SUSD4: variants seen among roughly 807,000 people sequenced by gnomAD.
SUSD4 encodes the protein sushi domain containing 4.
Under a neutral mutation model 50.5 loss-of-function variants are expected in SUSD4, and 41 were observed. That is an observed-to-expected ratio of 0.81 (90% CI 0.63 to 1.05). The LOEUF (loss-of-function observed/expected upper bound fraction) is 1.05. Among genes scored for constraint, SUSD4 ranks in the 50% least tolerant of loss-of-function variants. SUSD4 has a pLI of 0.00. For missense variants in SUSD4, 580 were observed against 634.7 expected (o/e 0.91, Z 0.93); for synonymous variants, 257 against 257.3 (o/e 1.00, Z 0.01).
intron 3 of SUSD4, among the ~76,000 whole-genome samples, chr1:223,282,853 C>T (rs1013227033): frequency 3.3e-5 from 5 of 152,172 alleles, no homozygotes; most frequent in African/African-American, 1.2e-4. Context: ...TACAAGGCTA[C>T]AGTAACCAAA....
Position 223,254,485 on chromosome 1 carries a change from C to A in SUSD4, c.724+10145G>T, listed in dbSNP as rs557413757. Among the ~76,000 whole-genome samples the A allele has an allele frequency of 3.2e-4, 48 of 152,178 alleles. 1 individual carries two copies. The South Asian group carries it at 9.8e-3, about 31-fold the overall frequency. The stretch of plus-strand genomic sequence containing the variant: ...GGCAAGGTGCTGAGACAGGAGCCTG[C>A]CAAGGGTCTTAAGCTAGTGAACAGC... On this transcript the variant is annotated intron_variant, in intron 5 of 8. Transcript: ENST00000366878.
intron 2 of SUSD4, among the ~76,000 whole-genome samples, chr1:223,312,217 G>A (rs921062530): frequency 1.3e-5 from 2 of 152,166 alleles, no homozygotes; most frequent in Non-Finnish European, 1.5e-5. Context: ...AAATGAGAGT[G>A]TCATCATTTC....
In SUSD4 at chr1:223,351,208, A is replaced by G. The variant is rs139202968; in HGVS notation, c.148+12070T>C. On this transcript the variant is annotated intron_variant, in intron 2 of 8. Transcript: ENST00000366878. ...GATTCCAGTCCCCCCGGATTGCCACATGGTGACAGGGCCCTTATTTCCCCT... is the reference window on the plus strand; with the variant it reads ...GATTCCAGTCCCCCCGGATTGCCACGTGGTGACAGGGCCCTTATTTCCCCT... 5.9e-5 allele frequency among the ~76,000 whole-genome samples: 9 copies of G among 152,366 alleles called. No homozygotes were observed. In the South Asian group the frequency reaches 1.0e-3, roughly 18 times the overall value.
At chr1:223,312,392 G>A (rs548885545) in intron 2 of SUSD4, among the ~76,000 whole-genome samples, 1 of 152,152 alleles carries the variant, frequency 6.6e-6, no homozygotes, top group Non-Finnish European at 1.5e-5. Flanking sequence ...ACTCACTCGG[G>A]CTCCTGGGGA....
chr1:223,250,215 T>C (rs1306618934), intron 5 of SUSD4, among the ~76,000 whole-genome samples: 1 of 152,210 alleles, frequency 6.6e-6, no homozygotes, highest in African/African-American at 2.4e-5. Flanking sequence ...GCAGGAAATT[T>C]ATAAGAATTA....
chr1:223,290,895 T>A (rs17577212), intron 3 of SUSD4, among the ~76,000 whole-genome samples: 2 of 151,948 alleles, frequency 1.3e-5, no homozygotes, highest in Non-Finnish European at 2.9e-5. Flanking sequence ...TAAGCCTGAC[T>A]GTTTTTAAAG....
intron 3 of SUSD4, among the ~76,000 whole-genome samples, chr1:223,283,433 TA>T (rs1396409529): frequency 7.9e-5 from 12 of 152,140 alleles, no homozygotes; most frequent in Non-Finnish European, 5.9e-5. Flanking sequence ...TATGAACAGA[TA>T]CTTCTCAAAA....
intron 2 of SUSD4, among the ~76,000 whole-genome samples, chr1:223,303,502 A>G (rs2203763): frequency 0.44 from 66,480 of 149,470 alleles, 15,118 homozygotes; most frequent in East Asian, 0.58. Flanking sequence ...CTTACAGGAC[A>G]TTCAATAGTT....
At chr1:223,296,706 A>C (rs1236586942) in intron 2 of SUSD4, among the ~76,000 whole-genome samples, 5 of 152,132 alleles carry the variant, frequency 3.3e-5, no homozygotes, top group Non-Finnish European at 7.4e-5. Flanking sequence ...GTAGGAGGTA[A>C]TTGAATTATG....
At chr1:223,361,105 C>G (rs958355311) in intron 2 of SUSD4, among the ~76,000 whole-genome samples, 64 of 152,204 alleles carry the variant, frequency 4.2e-4, no homozygotes, top group African/African-American at 1.4e-3. Context: ...AACAAGATCC[C>G]AGGTGACTTG....
intron 2 of SUSD4, among the ~76,000 whole-genome samples, chr1:223,348,086 G>A (rs1488855691): frequency 6.6e-6 from 1 of 151,260 alleles, no homozygotes; most frequent in East Asian, 2.0e-4. Flanking sequence ...CATTCATTAC[G>A]CTTCTAATAT....
At chr1:223,355,131 G>A (rs1230264884) in intron 2 of SUSD4, among the ~76,000 whole-genome samples, 2 of 149,912 alleles carry the variant, frequency 1.3e-5, no homozygotes, top group East Asian at 2.0e-4. Context: ...CTGGAGTTCA[G>A]TGGCACAATC....
chr1:223,345,495 C>A (rs1217841702), intron 2 of SUSD4, among the ~76,000 whole-genome samples: 2 of 152,176 alleles, frequency 1.3e-5, no homozygotes, highest in Non-Finnish European at 2.9e-5. Context: ...CAGATCCAGG[C>A]CCTGCCGCTC....
intron 3 of SUSD4, among the ~76,000 whole-genome samples, chr1:223,270,890 TAACA>T (rs1348892240): frequency 6.6e-6 from 1 of 152,190 alleles, no homozygotes; most frequent in Admixed American, 6.5e-5. Flanking sequence ...TGTTCATGTT[TAACA>T]AACAGTTTTC....
chr1:223,338,308 C>T (rs1375817162), intron 2 of SUSD4, among the ~76,000 whole-genome samples: 3 of 152,184 alleles, frequency 2.0e-5, no homozygotes, highest in Non-Finnish European at 4.4e-5. Context: ...GGGTCCTCTG[C>T]TTTGTCATCA....
At chr1:223,289,320 G>A in intron 3 of SUSD4, 4 of 984,520 alleles carry the variant, frequency 4.1e-6, no homozygotes, top group Non-Finnish European at 4.8e-6. Flanking sequence ...GACTTTGGGG[G>A]CCATAAAGTG....
At chr1:223,293,548 AAGAG>A (rs1177068429) in intron 2 of SUSD4, among the ~76,000 whole-genome samples, 1 of 152,138 alleles carries the variant, frequency 6.6e-6, no homozygotes, top group Non-Finnish European at 1.5e-5. Flanking sequence ...GACTGACTGA[AAGAG>A]AGAGAGCCCA....
intron 3 of SUSD4, among the ~76,000 whole-genome samples, chr1:223,281,601 C>T (rs1012459035): frequency 1.4e-4 from 22 of 152,152 alleles, no homozygotes; most frequent in Non-Finnish European, 2.5e-4. Context: ...AATTAATAGC[C>T]TACCAACCAA....
chr1:223,297,237 A>G (rs996990345), intron 2 of SUSD4, among the ~76,000 whole-genome samples: 7 of 152,226 alleles, frequency 4.6e-5, no homozygotes, highest in African/African-American at 1.7e-4. Context: ...GGGAAGGGTG[A>G]CACAGTATGT....
Sources: gnomAD v4.1 joint callset for allele counts (sites outside exome capture counted in the v4.1 genomes callset) on GRCh38, gnomAD v4.1.1 for gene constraint, MANE v1.5 for transcripts, NCBI Gene and HGNC (gene_info 2026-07-23, HGNC 2026-07-21) for gene names.